NPHP4: variants seen among roughly 807,000 people sequenced by gnomAD.
NPHP4 encodes the protein nephrocystin 4, also known as nephrocystin-4.
In NPHP4, 151 loss-of-function variants were observed where a neutral mutation model predicts 155.8. That is an observed-to-expected ratio of 0.97 (90% CI 0.85 to 1.11). The LOEUF (loss-of-function observed/expected upper bound fraction) is 1.11, where lower values mean the gene tolerates loss of function less well. NPHP4 is among the 50% of genes least tolerant of loss of function. NPHP4 has a pLI of 0.00. For synonymous variants in NPHP4, 845 were observed against 816.8 expected (o/e 1.03, Z -0.59); for missense variants, 1,956 against 1,925.7 (o/e 1.02, Z -0.29).
At chr1:5,923,470 C>T (rs978014923) in intron 11 of NPHP4, among the ~76,000 whole-genome samples, 6 of 152,172 alleles carry the variant, frequency 3.9e-5, no homozygotes, top group Non-Finnish European at 8.8e-5. Context: ...GAATGCCAGC[C>T]ATTTACAGAG....
At chr1:5,946,628 G>A (rs1278771399) in intron 9 of NPHP4, among the ~76,000 whole-genome samples, 2 of 152,218 alleles carry the variant, frequency 1.3e-5, no homozygotes, top group Non-Finnish European at 2.9e-5. Context: ...TCTCCGAAGT[G>A]CTATCTTTTG....
intron 3 of NPHP4, among the ~76,000 whole-genome samples, chr1:5,970,195 A>C (rs1433489769): frequency 1.3e-5 from 2 of 152,130 alleles, no homozygotes; most frequent in Admixed American, 1.3e-4. Context: ...AATTCAATGC[A>C]GTTGTTTTTA....
intron 9 of NPHP4, among the ~76,000 whole-genome samples, chr1:5,945,399 A>G (rs2101903397): frequency 6.6e-6 from 1 of 151,950 alleles, no homozygotes; most frequent in East Asian, 1.9e-4. Flanking sequence ...ATTTCTGGTC[A>G]TAAGTAAAGA....
chr1:5,989,378 C>T (rs1170654529), intron 1 of NPHP4, among the ~76,000 whole-genome samples: 1 of 152,216 alleles, frequency 6.6e-6, no homozygotes, highest in African/African-American at 2.4e-5. Context: ...AATACCAGCT[C>T]AAGGGCCATC....
intron 18 of NPHP4, chr1:5,881,764 T>C (rs1302339302): frequency 1.3e-5 from 2 of 152,400 alleles, no homozygotes; most frequent in Non-Finnish European, 1.5e-5. Context: ...TTTGGTCATC[T>C]TGAGTGCTCT....
chr1:5,970,974 G>A (rs768188165), intron 3 of NPHP4, among the ~76,000 whole-genome samples: 1 of 152,154 alleles, frequency 6.6e-6, no homozygotes, highest in Non-Finnish European at 1.5e-5. Context: ...CTCCAGAACC[G>A]CTTTTAAAAA....
At chr1:5,915,690 T>G (rs574530504) in intron 11 of NPHP4, among the ~76,000 whole-genome samples, 1 of 152,230 alleles carries the variant, frequency 6.6e-6, no homozygotes, top group Non-Finnish European at 1.5e-5. Flanking sequence ...TTCCGTGACT[T>G]GCCAGAGCCC....
At position 5,875,032 on chromosome 1, in the gene NPHP4, C is replaced by T. The variant is rs368320071; in HGVS notation, c.2886G>A (p.Thr962=). The stretch of plus-strand genomic sequence containing the variant: ...GCAGGCTGGCGATGCTCTCGGCCTT[C>T]GTGCGTTCCCGGTAGGCGGCGATGA... The part of the protein sequence containing the change: ...LQVIAAYRER[T]KAESIASLLS... Residue 962 remains threonine (T), a synonymous_variant, in exon 21 of 30, where the codon ACG becomes ACA. Transcript: ENST00000378156. 83 of 1,609,840 alleles carry T rather than the reference C, an allele frequency of 5.2e-5. No homozygotes were observed. The East Asian group carries it at 6.5e-4, about 13-fold the overall frequency.
intron 23 of NPHP4, chr1:5,868,506 A>G: frequency 4.3e-6 from 1 of 231,518 alleles, no homozygotes; most frequent in South Asian, 6.2e-5. Flanking sequence ...AACCACAGAG[A>G]CATGCATACT....
intron 22 of NPHP4, 44 bp from the exon 23 acceptor site, chr1:5,873,379 T>C (rs199602690): frequency 3.6e-5 from 54 of 1,507,382 alleles, no homozygotes; most frequent in Admixed American, 2.3e-4. Flanking sequence ...AGCAACACCA[T>C]TAGGCGACCA....
At position 5,866,141 on chromosome 1, in the gene NPHP4, G is replaced by A. The variant is rs908353103; in HGVS notation, c.3644+232C>T. On this transcript the variant is annotated intron_variant, in intron 26 of 29. Coordinates refer to ENST00000378156, the MANE Select transcript of NPHP4 (RefSeq NM_015102.5). ...GGCTGACTGGTGTCTCTCCTTGGTG[G>A]CAGGAGCTGCATCCCAAGTCCCTCA... 11 of 562,774 alleles carry A rather than the reference G, an allele frequency of 2.0e-5. No homozygotes were observed. The African/African-American group carries it at 2.1e-4, about 11-fold the overall frequency. 34.9% of individuals were successfully genotyped at this position (562,774 alleles called of 1,614,324 possible).
intron 18 of NPHP4, among the ~76,000 whole-genome samples, chr1:5,885,106 C>A (rs2100816853): frequency 6.8e-6 from 1 of 146,454 alleles, no homozygotes; most frequent in East Asian, 2.1e-4. Context: ...CCCAGCCGAG[C>A]CCCTGTCCTA....
chr1:5,925,784 T>C (rs1004154969), intron 11 of NPHP4, among the ~76,000 whole-genome samples: 1 of 151,948 alleles, frequency 6.6e-6, no homozygotes, highest in African/African-American at 2.4e-5. Context: ...TCCAGCTAAT[T>C]TTTTGTATTT....
intron 10 of NPHP4, among the ~76,000 whole-genome samples, chr1:5,929,727 A>G (rs566629144): frequency 3.7e-4 from 56 of 152,210 alleles, no homozygotes; most frequent in Non-Finnish European, 6.9e-4. Context: ...TTTTGCACCT[A>G]TGTTTATGAA....
At chr1:5,908,047 G>A (rs966670714) in intron 12 of NPHP4, among the ~76,000 whole-genome samples, 1 of 152,208 alleles carries the variant, frequency 6.6e-6, no homozygotes, top group African/African-American at 2.4e-5. Flanking sequence ...CAGCAATGAT[G>A]GCTGGCCCAC....
chr1:5,871,683 G>C (rs985109692), intron 23 of NPHP4, among the ~76,000 whole-genome samples: 1 of 152,198 alleles, frequency 6.6e-6, no homozygotes, highest in Non-Finnish European at 1.5e-5. Context: ...TGAGCACGGT[G>C]ACAGCCAGCA....
chr1:5,901,091 T>C (rs886129907), intron 16 of NPHP4, among the ~76,000 whole-genome samples: 1 of 151,868 alleles, frequency 6.6e-6, no homozygotes, highest in South Asian at 2.1e-4. Context: ...AAAATGTTAG[T>C]AATAGGGGAA....
chr1:5,867,472 C>G lies in NPHP4; in HGVS notation c.3472+268G>C, dbSNP rs1286850146. ...GTCAGGTGAGGAGGTAGGTGTTCCT[C>G]CAGGCACACCTGGACCTGGGCCGCG... is the stretch of plus-strand genomic sequence containing the variant. On this transcript the variant is annotated intron_variant, in intron 24 of 29. Coordinates refer to ENST00000378156, the MANE Select transcript of NPHP4 (RefSeq NM_015102.5). This position sits in a 1 kb window ranked among gnomAD's most constrained non-coding sequence, Gnocchi z 4.1. 7.1e-6 allele frequency: 4 copies of G among 566,164 alleles called. No individual in the cohort carries two copies. The highest frequency in any genetic ancestry group is 3.8e-5 in the African/African-American group (2 of 53,292). The allele number at this position is 566,164 out of a possible 1,614,324, so 35.1% of individuals were successfully genotyped here.
chr1:5,969,075 C>T lies in NPHP4; in HGVS notation c.452+12G>A, dbSNP rs572829713. The T allele has an allele frequency of 3.3e-6, 5 of 1,521,720 alleles. No individual in the cohort carries two copies. The highest frequency in any genetic ancestry group is 1.2e-5 in the South Asian group (1 of 82,702). 94.3% of individuals were successfully genotyped at this position (1,521,720 alleles called of 1,614,324 possible). On this transcript the variant is annotated intron_variant, in intron 4 of 29. Coordinates refer to ENST00000378156, the MANE Select transcript of NPHP4 (RefSeq NM_015102.5). ...CTGGAAAACCCCAGGGTTGTAGAAA[C>T]AAGGCAGGTACCTTTTGTCCTGGGA...
Sources: gnomAD v4.1 joint callset for allele counts (sites outside exome capture counted in the v4.1 genomes callset) on GRCh38, gnomAD v4.1.1 for gene constraint, Gnocchi (gnomAD v3.1) non-coding constraint, MANE v1.5 for transcripts, NCBI Gene and HGNC (gene_info 2026-07-23, HGNC 2026-07-21) for gene names.